Variants in IFT43 observed in about 807,000 individuals in gnomAD.
The protein encoded by IFT43 is intraflagellar transport 43.
Under a neutral mutation model 32.3 loss-of-function variants are expected in IFT43, and 33 were observed. The ratio of observed to expected loss-of-function variants is 1.02; its 90% CI spans 0.77 to 1.37. The LOEUF (loss-of-function observed/expected upper bound fraction) is 1.37, where lower values mean the gene tolerates loss of function less well. IFT43 is among the 40% of genes most tolerant of loss of function. The pLI, the probability that IFT43 is intolerant of heterozygous loss-of-function variation, is 0.00. For missense variants in IFT43, 274 were observed against 265.9 expected, an observed-to-expected ratio of 1.03 and a Z score of -0.21; for synonymous variants, 93 against 98.2, an observed-to-expected ratio of 0.95 and a Z score of 0.31.
At position 75,988,932 on chromosome 14, in the gene IFT43, G is replaced by C. The variant is rs2035584706; in HGVS notation, c.102G>C (p.Glu34Asp). Residue 34 changes from glutamate to aspartate, a missense_variant, in exon 2 of 9, where the codon GAG becomes GAC. Coordinates refer to ENST00000314067, the MANE Select transcript of IFT43 (RefSeq NM_001102564.3). The stretch of plus-strand genomic sequence containing the variant: ...CTCAACAGGAGTCAGCGCAGGCCGA[G>C]AATCACCTCAATGGCAAGAATTCCT... ...RRAQQESAQAENHLNGKNSSL... is the reference protein window; with the variant it reads ...RRAQQESAQADNHLNGKNSSL... 1 of 1,613,924 alleles carries C rather than the reference G, an allele frequency of 6.2e-7. No homozygotes were observed. The highest frequency in any genetic ancestry group is 1.1e-5 in the South Asian group (1 of 91,076).
chr14:76,010,073 C>T (rs962363545), intron 2 of IFT43, among the ~76,000 whole-genome samples: 3 of 152,156 alleles, frequency 2.0e-5, no homozygotes, highest in Admixed American at 1.3e-4. Context: ...GGATTGCAGG[C>T]GTGAGCCACC....
At chr14:76,012,605 C>A (rs955427067) in intron 2 of IFT43, among the ~76,000 whole-genome samples, 1 of 152,222 alleles carries the variant, frequency 6.6e-6, no homozygotes, top group Admixed American at 6.5e-5. Flanking sequence ...GGTCCTGCCC[C>A]CTCCGTCCAT....
chr14:76,028,629 G>T (rs1241758742), intron 3 of IFT43, among the ~76,000 whole-genome samples: 1 of 152,212 alleles, frequency 6.6e-6, no homozygotes, highest in Non-Finnish European at 1.5e-5. Context: ...CCCTTTTGGA[G>T]TCCCCATTGT....
chr14:75,994,252 G>A (rs1208226844), intron 2 of IFT43, among the ~76,000 whole-genome samples: 1 of 152,024 alleles, frequency 6.6e-6, no homozygotes, highest in Non-Finnish European at 1.5e-5. Context: ...GCCTCTTCTT[G>A]ATCTTTTCCT....
chr14:76,081,624 A>G (rs183412066), intron 5 of IFT43, among the ~76,000 whole-genome samples: 42 of 152,298 alleles, frequency 2.8e-4, no homozygotes, highest in African/African-American at 8.4e-4. Context: ...GTCTCCTCGT[A>G]TGTTGTCTGG....
intron 5 of IFT43, among the ~76,000 whole-genome samples, chr14:76,081,510 C>T (rs969640085): frequency 6.6e-6 from 1 of 152,206 alleles, no homozygotes; most frequent in African/African-American, 2.4e-5. Context: ...AGAACATGGA[C>T]AATTTTTGGT....
intron 3 of IFT43, among the ~76,000 whole-genome samples, chr14:76,029,273 GTGTC>G (rs1398652464): frequency 6.6e-6 from 1 of 152,208 alleles, no homozygotes; most frequent in Non-Finnish European, 1.5e-5. Flanking sequence ...CTTTTGAGAA[GTGTC>G]TGTTCATGGC....
chr14:75,991,928 C>T (rs1413840407), intron 2 of IFT43, among the ~76,000 whole-genome samples: 1 of 152,120 alleles, frequency 6.6e-6, no homozygotes, highest in Non-Finnish European at 1.5e-5. Context: ...TTGGCTGTTT[C>T]TTTCTAAAAT....
Position 75,988,870 on chromosome 14 carries a change from T to C in IFT43, c.55-15T>C. On this transcript the variant is annotated splice_polypyrimidine_tract_variant and intron_variant, in intron 1 of 8. Transcript: ENST00000314067. The stretch of plus-strand genomic sequence containing the variant: ...TGACATTTGGGTCAGCAGTGCCTTC[T>C]GTTTCTCCTTACAGAGGGCCAAGAT... 3 of 1,613,826 alleles carry C rather than the reference T, an allele frequency of 1.9e-6. No individual in the cohort carries two copies. The highest frequency in any genetic ancestry group is 2.5e-6 in the Non-Finnish European group (3 of 1,179,956).
intron 2 of IFT43, among the ~76,000 whole-genome samples, chr14:76,006,743 C>T (rs1193140822): frequency 2.0e-5 from 3 of 151,960 alleles, no homozygotes; most frequent in Non-Finnish European, 4.4e-5. Flanking sequence ...GCTGTACTGC[C>T]AATCCACACA....
intron 3 of IFT43, chr14:76,058,107 G>A (rs891530763): frequency 2.1e-5 from 4 of 188,212 alleles, no homozygotes; most frequent in Non-Finnish European, 3.3e-5. Context: ...CCATAGATAC[G>A]CGTGTATCAG....
chr14:76,036,753 C>T (rs907359868), intron 3 of IFT43, among the ~76,000 whole-genome samples: 6 of 151,558 alleles, frequency 4.0e-5, no homozygotes, highest in African/African-American at 1.2e-4. Flanking sequence ...ACAATCACCA[C>T]CCCCCTATGT....
At chr14:76,058,802 G>C in intron 4 of IFT43, 128 bp downstream of exon 4, 1 of 1,580,436 alleles carries the variant, frequency 6.3e-7, no homozygotes. Flanking sequence ...TAGAATTATT[G>C]ATGCCTGCTG....
chr14:76,076,673 G>T (rs1204073399), intron 5 of IFT43: 1 of 1,614,180 alleles, frequency 6.2e-7, no homozygotes, highest in South Asian at 1.1e-5. Context: ...TTTGGGGCTG[G>T]CTTCATTGGA....
chr14:76,060,835 T>G (rs1459632237), intron 5 of IFT43, among the ~76,000 whole-genome samples: 1 of 113,872 alleles, frequency 8.8e-6, no homozygotes, highest in African/African-American at 3.7e-5. Flanking sequence ...CCTTTCTTCC[T>G]TCCTTCCTTC....
Position 76,083,713 on chromosome 14 carries a change from C to A in IFT43, c.*136C>A. 2 of 845,212 alleles carry A rather than the reference C, an allele frequency of 2.4e-6. No individual in the cohort carries two copies. Among genetic ancestry groups the A allele is most frequent in the Non-Finnish European group, 3.8e-6 (2 of 520,812 alleles). 52.4% of individuals were successfully genotyped at this position (845,212 alleles called of 1,614,324 possible). ...ATTCAGTCAACCACATTGGATAATT[C>A]AATTGCAATAAATTGCTTATTCTGT... On this transcript the variant is annotated 3_prime_UTR_variant, in exon 9 of 9. Transcript: ENST00000314067.
chr14:76,061,571 T>G (rs534590061), intron 5 of IFT43, among the ~76,000 whole-genome samples: 2 of 152,346 alleles, frequency 1.3e-5, no homozygotes, highest in South Asian at 4.1e-4. Context: ...GTAACTGGTC[T>G]TTTCTTCTAC....
At chr14:76,003,619 G>A (rs1332548052) in intron 2 of IFT43, among the ~76,000 whole-genome samples, 1 of 150,430 alleles carries the variant, frequency 6.6e-6, no homozygotes, top group Non-Finnish European at 1.5e-5. Flanking sequence ...GCTACAGAGC[G>A]AGACTCCGTT....
intron 3 of IFT43, among the ~76,000 whole-genome samples, chr14:76,049,766 G>C (rs995412946): frequency 6.6e-6 from 1 of 151,736 alleles, no homozygotes; most frequent in African/African-American, 2.4e-5. Flanking sequence ...TTGTACTGCA[G>C]GATACAAGGT....
Sources: allele counts gnomAD v4.1 joint callset (sites outside exome capture counted in the v4.1 genomes callset), GRCh38; gene constraint gnomAD v4.1.1; transcripts MANE v1.5; gene names NCBI Gene and HGNC (gene_info 2026-07-23, HGNC 2026-07-21).